Variants in IPCEF1 observed in about 807,000 individuals in gnomAD.
IPCEF1 encodes the protein interaction protein for cytohesin exchange factors 1.
In IPCEF1, 31 loss-of-function variants were observed where a neutral mutation model predicts 50.9. That is an observed-to-expected ratio of 0.61 (90% CI 0.46 to 0.82). The LOEUF (loss-of-function observed/expected upper bound fraction) is 0.82, where lower values mean the gene tolerates loss of function less well. Ranked by LOEUF, IPCEF1 falls within the 40% of genes least tolerant of loss-of-function variation. The pLI, the probability that IPCEF1 is intolerant of heterozygous loss-of-function variation, is 0.00. For missense variants in IPCEF1, 458 were observed against 514.0 expected, an observed-to-expected ratio of 0.89 and a Z score of 1.05; for synonymous variants, 181 against 192.0, an observed-to-expected ratio of 0.94 and a Z score of 0.47.
intron 1 of IPCEF1, among the ~76,000 whole-genome samples, chr6:154,312,689 A>G (rs1296991522): frequency 6.6e-6 from 1 of 152,048 alleles, no homozygotes; most frequent in African/African-American, 2.4e-5. Context: ...AGTTCAAGAG[A>G]GCTCTTGTAC....
intron 10 of IPCEF1, among the ~76,000 whole-genome samples, chr6:154,171,060 A>C (rs898803635): frequency 1.3e-5 from 2 of 152,166 alleles, no homozygotes; most frequent in African/African-American, 4.8e-5. Flanking sequence ...TTTAGAAAAT[A>C]GTTTGTCCAT....
At chr6:154,242,597 A>C (rs532187641) in intron 5 of IPCEF1, among the ~76,000 whole-genome samples, 1 of 152,306 alleles carries the variant, frequency 6.6e-6, no homozygotes, top group South Asian at 2.1e-4. Context: ...GATAGTAAGA[A>C]AAGTATAGGC....
intron 11 of IPCEF1, among the ~76,000 whole-genome samples, chr6:154,163,354 C>T (rs949353753): frequency 1.3e-5 from 2 of 152,218 alleles, no homozygotes; most frequent in Non-Finnish European, 1.5e-5. Context: ...CCTCAGAGAA[C>T]CTCAAGCCTC....
intron 3 of IPCEF1, among the ~76,000 whole-genome samples, chr6:154,253,740 AAT>A (rs1292917451): frequency 1.3e-5 from 2 of 152,202 alleles, no homozygotes; most frequent in African/African-American, 4.8e-5. Flanking sequence ...ACCCTCCTGC[AAT>A]ATATAAAATT....
At chr6:154,244,178 G>A (rs1213872469) in intron 5 of IPCEF1, among the ~76,000 whole-genome samples, 1 of 152,168 alleles carries the variant, frequency 6.6e-6, no homozygotes, top group Non-Finnish European at 1.5e-5. Flanking sequence ...ACATGCTTGG[G>A]TCTTATTTCA....
chr6:154,330,325 CTTTTT>C (rs138406253), intron 1 of IPCEF1, among the ~76,000 whole-genome samples: 3 of 89,262 alleles, frequency 3.4e-5, no homozygotes, highest in African/African-American at 4.2e-5. Flanking sequence ...ATTATAGCCT[CTTTTT>C]TTTTTTTTTT....
intron 10 of IPCEF1, among the ~76,000 whole-genome samples, chr6:154,172,365 G>A (rs540988473): frequency 5.9e-5 from 9 of 152,318 alleles, no homozygotes; most frequent in African/African-American, 1.9e-4. Flanking sequence ...ACAAGGGGTC[G>A]GGGGATTTCC....
At chr6:154,355,233 G>A (rs989927974) in intron 1 of IPCEF1, among the ~76,000 whole-genome samples, 3 of 152,076 alleles carry the variant, frequency 2.0e-5, no homozygotes, top group Non-Finnish European at 4.4e-5. Context: ...GCAAACTACC[G>A]CAGGAAAGAA....
chr6:154,309,829 T>A (rs1180299877), intron 1 of IPCEF1, among the ~76,000 whole-genome samples: 2 of 151,728 alleles, frequency 1.3e-5, no homozygotes, highest in Non-Finnish European at 2.9e-5. Context: ...AATGGTGAGA[T>A]CTTGGCTCAC....
chr6:154,293,542 G>C (rs544461711), intron 1 of IPCEF1, among the ~76,000 whole-genome samples: 65 of 152,276 alleles, frequency 4.3e-4, no homozygotes, highest in Non-Finnish European at 7.3e-4. Flanking sequence ...AGAGCAATTA[G>C]AGCCATTTAA....
At chr6:154,356,556 A>G (rs1275418007) in intron 1 of IPCEF1, 116 bp downstream of exon 1, 2 of 152,162 alleles carry the variant, frequency 1.3e-5, no homozygotes, top group Non-Finnish European at 2.9e-5. Context: ...ACATCCCCAA[A>G]GTCATATTTC....
chr6:154,336,855 C>T (rs190285074), intron 1 of IPCEF1, among the ~76,000 whole-genome samples: 28 of 152,288 alleles, frequency 1.8e-4, no homozygotes, highest in East Asian at 5.8e-4. Context: ...TCTCCCACCT[C>T]GGTCTCCCAA....
chr6:154,199,497 T>C (rs578245688), intron 10 of IPCEF1, among the ~76,000 whole-genome samples, 171 bp downstream of exon 10: 1 of 152,308 alleles, frequency 6.6e-6, no homozygotes, highest in South Asian at 2.1e-4. Flanking sequence ...GTAGCTGGAG[T>C]TGTCCACATG....
At chr6:154,343,976 A>G (rs1783974286) in intron 1 of IPCEF1, among the ~76,000 whole-genome samples, 1 of 152,206 alleles carries the variant, frequency 6.6e-6, no homozygotes, top group Non-Finnish European at 1.5e-5. Flanking sequence ...CTGCATTTGC[A>G]TATTAAAAGA....
chr6:154,283,241 G>A (rs572791613), intron 2 of IPCEF1, among the ~76,000 whole-genome samples: 10 of 139,290 alleles, frequency 7.2e-5, no homozygotes, highest in Non-Finnish European at 1.2e-4. Context: ...GCAGTGAGCC[G>A]AGATCACGCA....
Position 154,191,353 on chromosome 6 carries a change from T to C in IPCEF1, c.910+8315A>G, listed in dbSNP as rs529550950. On this transcript the variant is annotated intron_variant, in intron 10 of 11. Transcript: ENST00000367220. ...GACGTTATACATTTGTCAAAACCCA[T>C]AGAACTGTATGACATAACGACATAA... Among the ~76,000 whole-genome samples the C allele has an allele frequency of 6.6e-5, 10 of 152,132 alleles. No homozygotes were observed. In the South Asian group the frequency reaches 1.4e-3, roughly 22 times the overall value.
chr6:154,248,306 CGT>C (rs58415100), intron 3 of IPCEF1, among the ~76,000 whole-genome samples: 13,478 of 147,038 alleles, frequency 0.092, 1,034 homozygotes, highest in African/African-American at 0.21. Flanking sequence ...CTTTAAAATA[CGT>C]GTGTGTGTGT....
chr6:154,259,314 T>G lies in IPCEF1; in HGVS notation c.36+6598A>C, dbSNP rs181270583. On this transcript the variant is annotated intron_variant, in intron 3 of 11. Transcript: ENST00000367220. ...AGCACAATACCTTTCTCCCTCATCCTCTTTCAACAAACCCTCCAAATACTG... is the reference window on the plus strand; with the variant it reads ...AGCACAATACCTTTCTCCCTCATCCGCTTTCAACAAACCCTCCAAATACTG... Among the ~76,000 whole-genome samples the G allele has an allele frequency of 3.4e-3, 519 of 152,276 alleles. 6 individuals are homozygous for G. The highest frequency in any genetic ancestry group is 0.012 in the African/African-American group (496 of 41,544).
intron 1 of IPCEF1, among the ~76,000 whole-genome samples, chr6:154,353,380 C>T (rs1014526438): frequency 4.6e-5 from 7 of 151,200 alleles, no homozygotes; most frequent in South Asian, 2.1e-4. Flanking sequence ...CTGCGCCTCC[C>T]GGATTCAAGT....
Sources: gnomAD v4.1 joint callset for allele counts (sites outside exome capture counted in the v4.1 genomes callset) on GRCh38, gnomAD v4.1.1 for gene constraint, MANE v1.5 for transcripts, NCBI Gene and HGNC (gene_info 2026-07-23, HGNC 2026-07-21) for gene names.